The following PRKACB variants were observed in gnomAD, a reference collection of about 807,000 sequenced individuals.
PRKACB encodes the protein cAMP-dependent protein kinase catalytic subunit beta.
PRKACB carries 16 observed loss-of-function variants against 51.4 expected under a neutral mutation model. That is an observed-to-expected ratio of 0.31 (90% CI 0.21 to 0.47). The LOEUF is 0.47. PRKACB is among the 20% of genes least tolerant of loss of function. The probability of loss-of-function intolerance (pLI) is 1.00; values close to 1 mark genes in which losing one functional copy is unlikely to be tolerated. For missense variants in PRKACB, 309 were observed against 464.5 expected, an observed-to-expected ratio of 0.67 and a Z score of 3.08; for synonymous variants, 147 against 154.4, an observed-to-expected ratio of 0.95 and a Z score of 0.35.
chr1:84,184,815 A>G (rs1225797736), intron 4 of PRKACB, among the ~76,000 whole-genome samples: 1 of 151,902 alleles, frequency 6.6e-6, no homozygotes, highest in African/African-American at 2.4e-5. Flanking sequence ...CATATATTAT[A>G]ACGTTACTTC....
At chr1:84,152,815 C>T (rs1163839371) in intron 1 of PRKACB, among the ~76,000 whole-genome samples, 1 of 152,108 alleles carries the variant, frequency 6.6e-6, no homozygotes, top group African/African-American at 2.4e-5. Context: ...GCTGTTTTGC[C>T]TTCTTATCAT....
chr1:84,222,375 G>A (rs1177165992), intron 9 of PRKACB, among the ~76,000 whole-genome samples: 3 of 152,086 alleles, frequency 2.0e-5, no homozygotes, highest in Non-Finnish European at 4.4e-5. Flanking sequence ...TATATATTCA[G>A]ACAGTCCATA....
chr1:84,228,462 A>C (rs763153378), intron 9 of PRKACB, among the ~76,000 whole-genome samples: 16 of 152,204 alleles, frequency 1.1e-4, no homozygotes, highest in South Asian at 2.1e-4. Flanking sequence ...TACTGAGAAC[A>C]GAATAAAGCA....
intron 3 of PRKACB, among the ~76,000 whole-genome samples, chr1:84,182,955 A>G (rs1663999978): frequency 6.6e-6 from 1 of 152,080 alleles, no homozygotes; most frequent in African/African-American, 2.4e-5. Flanking sequence ...CTGAGGCCCA[A>G]AGATTTGAAA....
intron 8 of PRKACB, 49 bp downstream of exon 8, chr1:84,202,854 TA>T: frequency 6.8e-7 from 1 of 1,460,292 alleles, no homozygotes; most frequent in Non-Finnish European, 9.3e-7. Context: ...ATATGAATTT[TA>T]AGCTTCATGA....
chr1:84,206,728 C>T (rs1671396688), intron 8 of PRKACB, among the ~76,000 whole-genome samples: 1 of 152,118 alleles, frequency 6.6e-6, no homozygotes. Context: ...TCAGAATAAA[C>T]TATGTTGTTT....
chr1:84,096,688 GTTT>G (rs530399790), intron 1 of PRKACB, among the ~76,000 whole-genome samples: 1 of 151,930 alleles, frequency 6.6e-6, no homozygotes, highest in African/African-American at 2.4e-5. Flanking sequence ...TTTAACAAGA[GTTT>G]TTTTTATATA....
At chr1:84,095,877 T>A (rs910869851) in intron 1 of PRKACB, among the ~76,000 whole-genome samples, 3 of 152,196 alleles carry the variant, frequency 2.0e-5, no homozygotes, top group Non-Finnish European at 4.4e-5. Context: ...TATATTTTTG[T>A]ACAAATTAAT....
chr1:84,134,521 A>C (rs1652595506), intron 1 of PRKACB, among the ~76,000 whole-genome samples: 1 of 152,184 alleles, frequency 6.6e-6, no homozygotes, highest in South Asian at 2.1e-4. Context: ...TGTTATTTGA[A>C]GGTGGACTTA....
intron 1 of PRKACB, among the ~76,000 whole-genome samples, chr1:84,111,353 T>C (rs888601399): frequency 6.6e-6 from 1 of 152,154 alleles, no homozygotes; most frequent in African/African-American, 2.4e-5. Flanking sequence ...TGCTAGCTAA[T>C]GTTTACTAAG....
intron 1 of PRKACB, among the ~76,000 whole-genome samples, chr1:84,107,446 A>G (rs1037663527): frequency 1.3e-5 from 2 of 152,168 alleles, no homozygotes; most frequent in African/African-American, 4.8e-5. Context: ...CATAACGAAA[A>G]TGGCACAAGC....
chr1:84,199,399 T>C (rs907389777), intron 7 of PRKACB, among the ~76,000 whole-genome samples: 2 of 152,056 alleles, frequency 1.3e-5, no homozygotes, highest in African/African-American at 2.4e-5. Flanking sequence ...TGAAAACATG[T>C]GGTATTTGGT....
At chr1:84,228,497 A>G (rs893042873) in intron 9 of PRKACB, among the ~76,000 whole-genome samples, 7 of 145,568 alleles carry the variant, frequency 4.8e-5, no homozygotes, top group Non-Finnish European at 1.1e-4. Flanking sequence ...TAAATTCTAT[A>G]AAGGCTGTGC....
intron 1 of PRKACB, among the ~76,000 whole-genome samples, chr1:84,154,908 G>GC (rs568705369): frequency 1.8e-4 from 28 of 152,202 alleles, no homozygotes; most frequent in Non-Finnish European, 3.4e-4. Context: ...CATAGGATAA[G>GC]CCCTCAGCTA....
chr1:84,093,927 A>G (rs1465817403), intron 1 of PRKACB, among the ~76,000 whole-genome samples: 3 of 151,964 alleles, frequency 2.0e-5, no homozygotes, highest in Non-Finnish European at 4.4e-5. Flanking sequence ...GTGAGTATAT[A>G]AGCATAGGGT....
chr1:84,136,040 A>G (rs925507889), intron 1 of PRKACB, among the ~76,000 whole-genome samples: 20 of 152,092 alleles, frequency 1.3e-4, no homozygotes, highest in African/African-American at 3.6e-4. Context: ...GAAATTACCA[A>G]TATCAGAAAT....
chr1:84,144,509 C>G lies in PRKACB; in HGVS notation c.148C>G (p.Leu50Val). The G allele has an allele frequency of 6.2e-7, 1 of 1,610,426 alleles. No homozygotes were observed. The part of the protein sequence containing the change: ...DQKTALENDS[L>V]HFSEHTALWD... The stretch of plus-strand genomic sequence containing the variant: ...GAAAACAGCTCTGGAAAATGACAGC[C>G]TTCATTTCTCTGAACATACTGCCTT... Residue 50 changes from leucine (L) to valine (V), a missense_variant, in exon 1 of 10, where the codon CTT becomes GTT. Coordinates refer to ENST00000370685, the MANE Select transcript of PRKACB (RefSeq NM_182948.4).
chr1:84,223,873 G>T (rs954364939), intron 9 of PRKACB, among the ~76,000 whole-genome samples: 15 of 152,064 alleles, frequency 9.9e-5, no homozygotes, highest in African/African-American at 3.6e-4. Context: ...TTCTTTTGGA[G>T]GTGTCATGTT....
chr1:84,136,518 A>G (rs1362275194), intron 1 of PRKACB, among the ~76,000 whole-genome samples: 1 of 151,512 alleles, frequency 6.6e-6, no homozygotes, highest in African/African-American at 2.4e-5. Context: ...ACACACACAC[A>G]CTCACTCTGA....
Sources: allele counts gnomAD v4.1 joint callset (sites outside exome capture counted in the v4.1 genomes callset), GRCh38; gene constraint gnomAD v4.1.1; transcripts MANE v1.5; gene names NCBI Gene and HGNC (gene_info 2026-07-23, HGNC 2026-07-21).